The following RBM46 variants were observed in gnomAD, a reference collection of about 807,000 sequenced individuals.
The protein encoded by RBM46 is RNA binding motif protein 46, also known as probable RNA-binding protein 46.
Under a neutral mutation model 43.3 loss-of-function variants are expected in RBM46, and 12 were observed. The ratio of observed to expected loss-of-function variants is 0.28; its 90% confidence interval spans 0.18 to 0.45. The LOEUF is 0.45. Among genes scored for constraint, RBM46 ranks in the 20% least tolerant of loss-of-function variants. The pLI, the probability that RBM46 is intolerant of heterozygous loss-of-function variation, is 1.00. For synonymous variants in RBM46, 205 were observed against 207.6 expected (o/e 0.99, Z 0.11); for missense variants, 412 against 639.1 (o/e 0.64, Z 3.83).
chr4:154,796,891 G>A lies in RBM46; in HGVS notation c.139G>A (p.Gly47Ser), dbSNP rs769806033. ...VQENGQRKFGGPPPGWEGPPP... is the reference protein window; with the variant it reads ...VQENGQRKFGSPPPGWEGPPP... ...GGAAAATGGACAAAGGAAATTTGGC[G>A]GTCCTCCTCCAGGTGTGGATTTGTT... The change falls in exon 2 of 5, where the codon GGT (glycine) becomes AGT (serine). Residue 47 changes from glycine to serine, a missense_variant. This residue lies in a region of RBM46 where 27 missense variants were observed against 115.8 expected (regional missense o/e 0.23). Coordinates refer to ENST00000281722, the MANE Select transcript of RBM46 (RefSeq NM_144979.5). 9 of 1,612,628 alleles carry A rather than the reference G, an allele frequency of 5.6e-6. No homozygotes were observed. The highest frequency in any genetic ancestry group is 2.2e-5 in the East Asian group (1 of 44,826).
rs116202706 is a variant in RBM46 at position 154,786,607 on chromosome 4, A to G, written c.-12+5171A>G. Among the ~76,000 whole-genome samples the G allele has an allele frequency of 2.2e-3, 321 of 147,448 alleles. 1 individual carries two copies. Among genetic ancestry groups the G allele is most frequent in the South Asian group, 6.2e-3 (28 of 4,530 alleles). ...TCTGCTGTTTAATAAATGTGTGAGGATATTCATCTTAAATCTTCGGTTAAA... is the reference window on the plus strand; with the variant it reads ...TCTGCTGTTTAATAAATGTGTGAGGGTATTCATCTTAAATCTTCGGTTAAA... On this transcript the variant is annotated intron_variant, in intron 1 of 4. Coordinates refer to ENST00000281722, the MANE Select transcript of RBM46 (RefSeq NM_144979.5).
At chr4:154,824,951 T>A (rs568984257) in intron 4 of RBM46, among the ~76,000 whole-genome samples, 1 of 152,244 alleles carries the variant, frequency 6.6e-6, no homozygotes, top group Non-Finnish European at 1.5e-5. Flanking sequence ...GTTTTGAGTA[T>A]CAATTACATA....
At chr4:154,800,844 T>C (rs566963420) in intron 4 of RBM46, among the ~76,000 whole-genome samples, 19 of 152,200 alleles carry the variant, frequency 1.2e-4, no homozygotes, top group Non-Finnish European at 7.3e-5. Context: ...TTATATGTAT[T>C]TAAAATTCAT....
rs1734979527 is a variant in RBM46 at position 154,807,850 on chromosome 4, G to A, written c.1402+8286G>A. 2.6e-5 allele frequency among the ~76,000 whole-genome samples: 4 copies of A among 151,896 alleles called. No homozygotes were observed. The South Asian group carries it at 8.3e-4, about 32-fold the overall frequency. On this transcript the variant is annotated intron_variant, in intron 4 of 4. Coordinates refer to ENST00000281722, the MANE Select transcript of RBM46 (RefSeq NM_144979.5). ...AGTATTTGGTTAGAGATGTATTAAT[G>A]ACATGCGGGTCCTTATTTGTCTCAT...
chr4:154,799,589 A>G, intron 4 of RBM46, 25 bp downstream of exon 4: 3 of 1,417,678 alleles, frequency 2.1e-6, no homozygotes, highest in African/African-American at 2.9e-5. Context: ...ACTTTAAATG[A>G]TGTATAATAT....
chr4:154,823,032 A>G (rs142793673), intron 4 of RBM46, among the ~76,000 whole-genome samples: 2 of 151,982 alleles, frequency 1.3e-5, no homozygotes, highest in African/African-American at 2.4e-5. Context: ...CCAAATACCT[A>G]TCAACTGATG....
chr4:154,812,695 G>C (rs72959265), intron 4 of RBM46, among the ~76,000 whole-genome samples: 41 of 152,228 alleles, frequency 2.7e-4, no homozygotes, highest in African/African-American at 9.9e-4. Context: ...ATCATGGCTT[G>C]CTATTGTAGT....
At chr4:154,808,618 A>C (rs1168346795) in intron 4 of RBM46, among the ~76,000 whole-genome samples, 2 of 151,980 alleles carry the variant, frequency 1.3e-5, no homozygotes, top group African/African-American at 4.8e-5. Flanking sequence ...AGGGTGACCA[A>C]ATCTGTAGTT....
Position 154,827,297 on chromosome 4 carries a change from C to T in RBM46, c.1403-571C>T, listed in dbSNP as rs74333979. 1.1e-3 allele frequency: 1,068 copies of T among 944,926 alleles called. 4 individuals are homozygous for T. The African/African-American group carries it at 0.018, about 16-fold the overall frequency. 58.5% of individuals were successfully genotyped at this position (944,926 alleles called of 1,614,324 possible). A position where few individuals can be genotyped will look rare whatever the true frequency, so the allele number is the denominator to read the frequency against. ...TATTTAATAAAGGTGATTCATTATA[C>T]TGTTTTATCATACCAGTAGGACTTT... is the stretch of plus-strand genomic sequence containing the variant. On this transcript the variant is annotated intron_variant, in intron 4 of 4. Coordinates refer to ENST00000281722, the MANE Select transcript of RBM46 (RefSeq NM_144979.5).
At chr4:154,819,162 A>C (rs575027737) in intron 4 of RBM46, among the ~76,000 whole-genome samples, 24 of 152,298 alleles carry the variant, frequency 1.6e-4, no homozygotes, top group Non-Finnish European at 2.5e-4. Flanking sequence ...GCACGATGTT[A>C]TATTTATTCA....
At chr4:154,786,474 G>T (rs1400018314) in intron 1 of RBM46, among the ~76,000 whole-genome samples, 1 of 152,046 alleles carries the variant, frequency 6.6e-6, no homozygotes, top group African/African-American at 2.4e-5. Context: ...TTTATTTATT[G>T]CATTTGGTGT....
rs912583466 is a variant in RBM46, at chr4:154,828,645, A to G, written c.*578A>G. 1.3e-5 allele frequency: 2 copies of G among 152,634 alleles called. No individual in the cohort carries two copies. Among genetic ancestry groups the G allele is most frequent in the African/African-American group, 4.8e-5 (2 of 41,448 alleles). 9.5% of individuals were successfully genotyped at this position (152,634 alleles called of 1,614,324 possible). ...ATATTTTTGTTATTTGTTAGACACAAATTATAATTTTGTTGTTAATGTATT... is the reference window on the plus strand; with the variant it reads ...ATATTTTTGTTATTTGTTAGACACAGATTATAATTTTGTTGTTAATGTATT... On this transcript the variant is annotated 3_prime_UTR_variant, in exon 5 of 5. Coordinates refer to ENST00000281722, the MANE Select transcript of RBM46 (RefSeq NM_144979.5).
intron 2 of RBM46, 106 bp downstream of exon 2, chr4:154,797,009 G>T: frequency 1.2e-6 from 1 of 856,478 alleles, no homozygotes. Flanking sequence ...CCTTGTAACT[G>T]CTTTAAGACA....
chr4:154,781,598 G>T (rs1733465224), intron 1 of RBM46, 162 bp downstream of exon 1: 1 of 152,410 alleles, frequency 6.6e-6, no homozygotes, highest in Non-Finnish European at 1.5e-5. Context: ...GGGAGGGCAA[G>T]TGTCCGAGAC....
intron 4 of RBM46, among the ~76,000 whole-genome samples, chr4:154,818,130 C>A (rs960207851): frequency 2.0e-5 from 3 of 151,996 alleles, no homozygotes; most frequent in East Asian, 3.9e-4. Context: ...TAGTTATAAT[C>A]GTTTTTATAC....
intron 1 of RBM46, among the ~76,000 whole-genome samples, chr4:154,783,931 G>T (rs1170311569): frequency 6.6e-6 from 1 of 152,092 alleles, no homozygotes; most frequent in African/African-American, 2.4e-5. Context: ...TTCCAAGAAC[G>T]AGAAGTGTAG....
At chr4:154,812,741 C>G (rs1560908492) in intron 4 of RBM46, among the ~76,000 whole-genome samples, 1 of 152,138 alleles carries the variant, frequency 6.6e-6, no homozygotes, top group Non-Finnish European at 1.5e-5. Context: ...TTCTCCTGTT[C>G]AGAATGCTGT....
intron 1 of RBM46, 123 bp from the exon 2 acceptor site, chr4:154,796,619 A>C (rs113032013): frequency 7.8e-6 from 5 of 641,714 alleles, no homozygotes; most frequent in African/African-American, 3.7e-5. Flanking sequence ...CTCAGAGGAC[A>C]GTGAAGGCTA....
intron 4 of RBM46, among the ~76,000 whole-genome samples, chr4:154,799,829 G>C (rs978289150): frequency 2.8e-5 from 4 of 143,426 alleles, no homozygotes; most frequent in African/African-American, 1.0e-4. Context: ...GCATGATCTT[G>C]GCTCATTGCA....
Sources: gnomAD v4.1 joint callset for allele counts (sites outside exome capture counted in the v4.1 genomes callset) on GRCh38, gnomAD v4.1.1 for gene constraint, gnomAD v4.1.1 regional missense constraint, MANE v1.5 for transcripts, NCBI Gene and HGNC (gene_info 2026-07-23, HGNC 2026-07-21) for gene names.